NPAS2: variants seen among roughly 807,000 people sequenced by gnomAD.
NPAS2 encodes neuronal PAS domain protein 2.
In NPAS2, 23 loss-of-function variants were observed where a neutral mutation model predicts 107.5. The ratio of observed to expected loss-of-function variants is 0.21; its 90% CI spans 0.15 to 0.30. The LOEUF (loss-of-function observed/expected upper bound fraction) is 0.30, where lower values mean the gene tolerates loss of function less well. NPAS2 is among the 10% of genes least tolerant of loss of function. The pLI is 1.00. For missense variants in NPAS2, 756 were observed against 1,043.3 expected (o/e 0.72, Z 3.79); for synonymous variants, 403 against 417.5 (o/e 0.97, Z 0.42).
intron 3 of NPAS2, among the ~76,000 whole-genome samples, chr2:100,927,470 G>A (rs906960745): frequency 3.3e-5 from 5 of 152,180 alleles, no homozygotes; most frequent in African/African-American, 4.8e-5. Flanking sequence ...AGCAGACACA[G>A]CCAGGGAACC....
At chr2:100,862,611 A>G (rs1201401150) in intron 1 of NPAS2, among the ~76,000 whole-genome samples, 2 of 152,152 alleles carry the variant, frequency 1.3e-5, no homozygotes, top group African/African-American at 4.8e-5. Flanking sequence ...TCCTCAGTAG[A>G]CTAGAAAAGG....
intron 1 of NPAS2, among the ~76,000 whole-genome samples, chr2:100,879,697 C>T (rs1177215519): frequency 3.3e-5 from 5 of 152,228 alleles, no homozygotes; most frequent in African/African-American, 1.2e-4. Flanking sequence ...AGAGACAGTG[C>T]TCACTGTGGC....
intron 5 of NPAS2, among the ~76,000 whole-genome samples, chr2:100,942,542 T>G (rs12329373): frequency 0.016 from 2,399 of 147,292 alleles, 59 homozygotes; most frequent in African/African-American, 0.056. Flanking sequence ...TGCCTTTTGA[T>G]TTTTATATAC....
At chr2:100,967,622 C>A (rs1278279925) in intron 10 of NPAS2, among the ~76,000 whole-genome samples, 2 of 152,074 alleles carry the variant, frequency 1.3e-5, no homozygotes, top group African/African-American at 4.8e-5. Flanking sequence ...GCAATAAAAC[C>A]CAAATCATTC....
chr2:100,938,687 C>T (rs1443459446), intron 5 of NPAS2, among the ~76,000 whole-genome samples: 1 of 138,418 alleles, frequency 7.2e-6, no homozygotes, highest in African/African-American at 2.7e-5. Flanking sequence ...GGAGGACCCA[C>T]CGTTGAGGCT....
intron 2 of NPAS2, among the ~76,000 whole-genome samples, chr2:100,920,890 G>A (rs1683182257): frequency 6.6e-6 from 1 of 152,228 alleles, no homozygotes; most frequent in Non-Finnish European, 1.5e-5. Context: ...GACCACGACA[G>A]TGGGAAAGGC....
Position 100,977,890 on chromosome 2 carries a change from C to A in NPAS2, c.1482+91C>A. 3 of 1,119,638 alleles carry A rather than the reference C, an allele frequency of 2.7e-6. No homozygotes were observed. In the East Asian group the frequency reaches 7.1e-5, roughly 27 times the overall value. The allele number at this position is 1,119,638 out of a possible 1,614,324, so 69.4% of individuals were successfully genotyped here. A position where few individuals can be genotyped will look rare whatever the true frequency, so the allele number is the denominator to read the frequency against. On this transcript the variant is annotated intron_variant, in intron 15 of 20. Coordinates refer to ENST00000335681, the MANE Select transcript of NPAS2 (RefSeq NM_002518.4). Reference sequence around the variant, plus strand: ...TGGTCTTGTACACTTAGGTCCCAACCAAGGCCCTGACGTGGGGGAATGTCC... The same window carrying A: ...TGGTCTTGTACACTTAGGTCCCAACAAAGGCCCTGACGTGGGGGAATGTCC...
chr2:100,860,540 A>G (rs1573486162), intron 1 of NPAS2, among the ~76,000 whole-genome samples: 1 of 152,310 alleles, frequency 6.6e-6, no homozygotes, highest in East Asian at 1.9e-4. Flanking sequence ...TTGAAACATT[A>G]CTATGGTGGT....
At chr2:100,992,848 T>C (rs187585155) in intron 19 of NPAS2, among the ~76,000 whole-genome samples, 1 of 152,324 alleles carries the variant, frequency 6.6e-6, no homozygotes, top group African/African-American at 2.4e-5. Flanking sequence ...ATATGTGATG[T>C]GCAAATATCT....
chr2:100,875,904 G>A (rs1426980839), intron 1 of NPAS2, among the ~76,000 whole-genome samples: 3 of 152,162 alleles, frequency 2.0e-5, no homozygotes, highest in African/African-American at 7.2e-5. Flanking sequence ...TTCAAGCCAC[G>A]TGATATTAGC....
chr2:100,914,281 A>G (rs1682734257), intron 2 of NPAS2, among the ~76,000 whole-genome samples: 1 of 152,044 alleles, frequency 6.6e-6, no homozygotes, highest in African/African-American at 2.4e-5. Context: ...GCCCCTTTGT[A>G]AGAGTATGGG....
chr2:100,945,944 G>A (rs1003236330), intron 5 of NPAS2, among the ~76,000 whole-genome samples: 3 of 152,102 alleles, frequency 2.0e-5, no homozygotes, highest in Admixed American at 1.3e-4. Flanking sequence ...GGTCAGTTCA[G>A]TCACCATCCT....
At chr2:100,852,209 A>G (rs913653716) in intron 1 of NPAS2, among the ~76,000 whole-genome samples, 3 of 152,182 alleles carry the variant, frequency 2.0e-5, no homozygotes, top group African/African-American at 7.2e-5. Context: ...ATCCTGGCTA[A>G]CACGGTGAAA....
chr2:100,943,799 G>A (rs115222119), intron 5 of NPAS2, among the ~76,000 whole-genome samples: 8,069 of 152,242 alleles, frequency 0.053, 245 homozygotes, highest in South Asian at 0.1. Context: ...CTCATCCATG[G>A]GTCTGTGTGG....
chr2:100,831,300 A>G (rs897556239), intron 1 of NPAS2, among the ~76,000 whole-genome samples: 1 of 152,154 alleles, frequency 6.6e-6, no homozygotes, highest in Non-Finnish European at 1.5e-5. Context: ...TGTCTCAAAA[A>G]ATAAATAAAT....
At chr2:100,917,884 C>T (rs1212555753) in intron 2 of NPAS2, among the ~76,000 whole-genome samples, 1 of 152,116 alleles carries the variant, frequency 6.6e-6, no homozygotes, top group East Asian at 1.9e-4. Flanking sequence ...GAAGAAATAT[C>T]ACCAATTCTG....
At chr2:100,945,541 C>T (rs1024475804) in intron 5 of NPAS2, among the ~76,000 whole-genome samples, 2 of 152,196 alleles carry the variant, frequency 1.3e-5, no homozygotes, top group African/African-American at 4.8e-5. Flanking sequence ...AGTTCTGCCA[C>T]CCCCTTCCTT....
intron 1 of NPAS2, among the ~76,000 whole-genome samples, chr2:100,842,122 G>T (rs1336222316): frequency 7.7e-6 from 1 of 130,340 alleles, no homozygotes; most frequent in African/African-American, 2.6e-5. Flanking sequence ...TAAGCCCCCA[G>T]GTGCCAGGAA....
Position 100,873,277 on chromosome 2 carries a change from T to C in NPAS2, c.-22-31456T>C, listed in dbSNP as rs74177701. 2.8e-4 allele frequency among the ~76,000 whole-genome samples: 17 copies of C among 60,188 alleles called. No individual in the cohort carries two copies. In the East Asian group the frequency reaches 6.0e-3, roughly 21 times the overall value. 39.5% of individuals were successfully genotyped at this position (60,188 alleles called of 152,430 possible). On this transcript the variant is annotated intron_variant, in intron 1 of 20. Transcript: ENST00000335681. ...AAAAAAAAAAAAAAAAAAAAATACA[T>C]ATATATATATATATATATATATATA...
Sources: allele counts gnomAD v4.1 joint callset (sites outside exome capture counted in the v4.1 genomes callset), GRCh38; gene constraint gnomAD v4.1.1; transcripts MANE v1.5; gene names NCBI Gene and HGNC (gene_info 2026-07-23, HGNC 2026-07-21).